ZEB2: variants seen among roughly 807,000 people sequenced by gnomAD.
ZEB2 encodes zinc finger E-box binding homeobox 2.
Under a neutral mutation model 99.9 loss-of-function variants are expected in ZEB2, and 6 were observed. That is an observed-to-expected ratio of 0.06 (90% CI 0.03 to 0.12). The LOEUF is 0.12. ZEB2 is among the 10% of genes least tolerant of loss of function. The probability of loss-of-function intolerance (pLI) is 1.00; values close to 1 mark genes in which losing one functional copy is unlikely to be tolerated. For missense variants in ZEB2, 969 were observed against 1,502.8 expected (o/e 0.64, Z 5.87); for synonymous variants, 517 against 542.5 (o/e 0.95, Z 0.65).
chr2:144,403,451 C>A (rs1703339452), intron 6 of ZEB2, among the ~76,000 whole-genome samples: 1 of 151,866 alleles, frequency 6.6e-6, no homozygotes, highest in Non-Finnish European at 1.5e-5. Flanking sequence ...AAACTAGTAG[C>A]AGCTTATAAA....
intron 2 of ZEB2, chr2:144,511,951 T>A (rs1705045581): frequency 1.6e-6 from 2 of 1,287,144 alleles, no homozygotes; most frequent in Non-Finnish European, 2.0e-6. Context: ...ATTCTGTATA[T>A]TTTCAACTAG....
intron 2 of ZEB2, among the ~76,000 whole-genome samples, chr2:144,447,686 C>G (rs961857247): frequency 7.9e-5 from 12 of 152,152 alleles, no homozygotes; most frequent in African/African-American, 2.7e-4. Flanking sequence ...ATGATGGTCC[C>G]TAACTCGTAG....
rs1703278528 is a variant in ZEB2, at chr2:144,399,496, T to C, written c.1691A>G (p.Asp564Gly). 3.7e-6 allele frequency: 6 copies of C among 1,614,090 alleles called. No individual in the cohort carries two copies. Among genetic ancestry groups the C allele is most frequent in the Middle Eastern group, 1.6e-4 (1 of 6,084 alleles). Residue 564 changes from aspartate to glycine, a missense_variant, in exon 8 of 10, where the codon GAT becomes GGT. By Grantham distance (94) the Asp-to-Gly change is moderately conservative. Coordinates refer to ENST00000627532, the MANE Select transcript of ZEB2 (RefSeq NM_014795.4). The surrounding 1 kb of genome is among the most constrained non-coding windows in gnomAD (Gnocchi z 5.6). ...AATCATTTTGTCATCAGTGACCAAA[T>C]CTATTAAAGTACGTAGCTTCTCTTT... Reference protein sequence around the residue: ...IKKEKLRTLIDLVTDDKMIEN... With the variant: ...IKKEKLRTLIGLVTDDKMIEN...
intron 4 of ZEB2, among the ~76,000 whole-genome samples, chr2:144,418,623 G>T: frequency 6.6e-6 from 1 of 151,998 alleles, no homozygotes. Flanking sequence ...AGGAGGCGGA[G>T]GTTGCAGTGA....
chr2:144,445,265 C>CT lies in ZEB2; in HGVS notation c.74-15240dup, dbSNP rs11287771. Among the ~76,000 whole-genome samples, 121 of 74,166 alleles carry CT rather than the reference C, an allele frequency of 1.6e-3. 3 individuals are homozygous for CT. The highest frequency in any genetic ancestry group is 3.1e-3 in the African/African-American group (66 of 20,968). The allele number at this position is 74,166 out of a possible 152,430, so 48.7% of individuals were successfully genotyped here. ...CTGCTTCTATCATTTCTTTCCTCCT[C>CT]TTTTTTTTTTTTTTTTTTTTTTGAT... On this transcript the variant is annotated intron_variant, in intron 2 of 9. Transcript: ENST00000627532.
intron 2 of ZEB2, chr2:144,516,755 G>C (rs1475513298): frequency 6.6e-6 from 1 of 151,966 alleles, no homozygotes; most frequent in East Asian, 2.0e-4. Flanking sequence ...TTGGCGCACC[G>C]AGAAGCGGCC....
chr2:144,515,310 A>G (rs1459106743), intron 2 of ZEB2, among the ~76,000 whole-genome samples: 1 of 152,136 alleles, frequency 6.6e-6, no homozygotes, highest in East Asian at 1.9e-4. Context: ...TAAGAGGGGG[A>G]AAAAAGCCCC....
chr2:144,407,464 C>T (rs145363962), intron 4 of ZEB2, among the ~76,000 whole-genome samples: 2 of 152,342 alleles, frequency 1.3e-5, no homozygotes, highest in Non-Finnish European at 1.5e-5. Context: ...TGTCATTTCA[C>T]TTGCATCACT....
intron 2 of ZEB2, among the ~76,000 whole-genome samples, chr2:144,434,905 GC>G (rs1703817349): frequency 6.6e-6 from 1 of 152,166 alleles, no homozygotes; most frequent in Non-Finnish European, 1.5e-5. Flanking sequence ...ATCCAAGGAA[GC>G]TTGGTAGAAA....
chr2:144,449,599 C>A (rs569620040), intron 2 of ZEB2: 1 of 152,176 alleles, frequency 6.6e-6, no homozygotes, highest in African/African-American at 2.4e-5. Context: ...AAGGTGAAGA[C>A]TGGTCTTGAA....
At chr2:144,407,033 T>C (rs1703397228) in intron 4 of ZEB2, among the ~76,000 whole-genome samples, 1 of 152,226 alleles carries the variant, frequency 6.6e-6, no homozygotes, top group Non-Finnish European at 1.5e-5. Context: ...CTTTCCAAAT[T>C]TGATGGATGG....
At chr2:144,513,608 G>A in intron 2 of ZEB2, 3 of 1,530,780 alleles carry the variant, frequency 2.0e-6, no homozygotes, top group Non-Finnish European at 2.6e-6. Flanking sequence ...ATGCTGGAAG[G>A]TGGCGGGATG....
chr2:144,517,259 G>A lies in ZEB2; in HGVS notation c.73+19C>T. On this transcript the variant is annotated intron_variant, in intron 2 of 9. Transcript: ENST00000627532. ...GCCGCGTAGTGGCCCGGAAAAGTTT[G>A]GTTCGGGCTGCTTCTTACCGTTTTT... 6.2e-7 allele frequency: 1 copy of A among 1,613,288 alleles called. No homozygotes were observed. Among genetic ancestry groups the A allele is most frequent in the Non-Finnish European group, 8.5e-7 (1 of 1,179,716 alleles).
chr2:144,456,196 C>T (rs1415631695), intron 2 of ZEB2, among the ~76,000 whole-genome samples: 3 of 151,930 alleles, frequency 2.0e-5, no homozygotes, highest in Non-Finnish European at 4.4e-5. Flanking sequence ...TCTGAATTTC[C>T]TTTGCTTTTG....
chr2:144,514,425 C>A (rs747574217), intron 2 of ZEB2: 3 of 152,214 alleles, frequency 2.0e-5, no homozygotes, highest in Non-Finnish European at 2.9e-5. Flanking sequence ...GCCATTATTT[C>A]TTTCCAGGAA....
chr2:144,418,710 A>AAAC (rs1553963317), intron 4 of ZEB2, among the ~76,000 whole-genome samples: 1 of 147,410 alleles, frequency 6.8e-6, no homozygotes. Flanking sequence ...AACAAACAAA[A>AAAC]AAAAAAAAAA....
chr2:144,498,760 C>T (rs1704826425), intron 2 of ZEB2, among the ~76,000 whole-genome samples: 1 of 152,110 alleles, frequency 6.6e-6, no homozygotes, highest in African/African-American at 2.4e-5. Flanking sequence ...CAGGAAGGGT[C>T]ATGAGGGAAG....
At chr2:144,394,457 C>A (rs1175022873) in intron 9 of ZEB2, 1 of 152,054 alleles carries the variant, frequency 6.6e-6, no homozygotes, top group African/African-American at 2.4e-5. Flanking sequence ...GGGAAAGATG[C>A]CTTCAGTGAT....
At chr2:144,429,594 G>T in intron 3 of ZEB2, 175 bp downstream of exon 3, 1 of 1,014,486 alleles carries the variant, frequency 9.9e-7, no homozygotes. Flanking sequence ...GCCGCAATGT[G>T]ATAACATTAC....
Sources: allele counts gnomAD v4.1 joint callset (sites outside exome capture counted in the v4.1 genomes callset), GRCh38; gene constraint gnomAD v4.1.1; non-coding constraint Gnocchi (gnomAD v3.1); transcripts MANE v1.5; gene names NCBI Gene and HGNC (gene_info 2026-07-23, HGNC 2026-07-21).